Variants in FHIT observed in about 807,000 individuals in gnomAD.
The protein encoded by FHIT is bis(5'-adenosyl)-triphosphatase.
FHIT carries 19 observed loss-of-function variants against 17.9 expected under a neutral mutation model. The ratio of observed to expected loss-of-function variants is 1.06; its 90% confidence interval spans 0.74 to 1.56. FHIT has a LOEUF of 1.56. Ranked by LOEUF, FHIT falls within the 40% of genes most tolerant of loss-of-function variation. FHIT has a pLI of 0.00. For synonymous variants in FHIT, 81 were observed against 69.7 expected, an observed-to-expected ratio of 1.16 and a Z score of -0.81; for missense variants, 248 against 189.2, an observed-to-expected ratio of 1.31 and a Z score of -1.82.
chr3:60,984,044 C>T (rs1710610032), intron 3 of FHIT, among the ~76,000 whole-genome samples: 2 of 152,230 alleles, frequency 1.3e-5, no homozygotes, highest in Non-Finnish European at 1.5e-5. Flanking sequence ...AGAGCATCTT[C>T]CATCTAACCC....
At chr3:60,113,500 A>C (rs988613609) in intron 5 of FHIT, among the ~76,000 whole-genome samples, 1 of 151,806 alleles carries the variant, frequency 6.6e-6, no homozygotes, top group African/African-American at 2.4e-5. Context: ...TACATCTACT[A>C]TGCGCCAGTC....
At chr3:59,965,111 T>C (rs896745217) in intron 7 of FHIT, among the ~76,000 whole-genome samples, 12 of 152,168 alleles carry the variant, frequency 7.9e-5, no homozygotes, top group Admixed American at 6.5e-5. Flanking sequence ...TTTTCAGTCA[T>C]GTAAATCAGA....
At chr3:60,554,363 T>G (rs947240836) in intron 4 of FHIT, among the ~76,000 whole-genome samples, 1 of 152,176 alleles carries the variant, frequency 6.6e-6, no homozygotes, top group African/African-American at 2.4e-5. Flanking sequence ...GAATCAGAAG[T>G]TGAAAATCAC....
intron 3 of FHIT, among the ~76,000 whole-genome samples, chr3:60,853,958 T>G (rs1356422756): frequency 2.0e-5 from 3 of 152,048 alleles, no homozygotes; most frequent in African/African-American, 7.2e-5. Context: ...AAAACTTAAT[T>G]TGAGTCCTGA....
intron 4 of FHIT, among the ~76,000 whole-genome samples, chr3:60,785,897 ACACACACACACACACACACAC>A (rs1700555860): frequency 3.0e-5 from 4 of 133,510 alleles, no homozygotes; most frequent in Non-Finnish European, 3.3e-5. Context: ...CAAACAGAAG[ACACACACACACACACACACAC>A]ACACACACAC....
intron 3 of FHIT, among the ~76,000 whole-genome samples, chr3:60,843,344 T>A (rs1702804450): frequency 6.6e-6 from 1 of 152,144 alleles, no homozygotes; most frequent in South Asian, 2.1e-4. Context: ...TCCAATAATA[T>A]CAAGATACAA....
At chr3:60,104,995 T>A in intron 5 of FHIT, among the ~76,000 whole-genome samples, 1 of 152,186 alleles carries the variant, frequency 6.6e-6, no homozygotes, top group East Asian at 1.9e-4. Flanking sequence ...AACTCAACAA[T>A]AATGGAGCTC....
At chr3:60,483,743 G>T (rs762396243) in intron 5 of FHIT, among the ~76,000 whole-genome samples, 6 of 152,076 alleles carry the variant, frequency 3.9e-5, no homozygotes, top group African/African-American at 9.7e-5. Context: ...GTAAAACCTG[G>T]AAGCATTCTC....
chr3:59,933,505 G>A (rs1390796837), intron 7 of FHIT, among the ~76,000 whole-genome samples: 1 of 152,092 alleles, frequency 6.6e-6, no homozygotes, highest in Non-Finnish European at 1.5e-5. Context: ...GATGCTTACT[G>A]GAATTAAATA....
intron 5 of FHIT, among the ~76,000 whole-genome samples, chr3:60,064,857 T>C (rs1702434698): frequency 2.0e-5 from 3 of 152,358 alleles, no homozygotes; most frequent in Non-Finnish European, 4.4e-5. Context: ...TTATCTCATT[T>C]ACTTCTCATT....
At chr3:60,545,751 C>T (rs1471429320) in intron 4 of FHIT, among the ~76,000 whole-genome samples, 1 of 152,152 alleles carries the variant, frequency 6.6e-6, no homozygotes, top group African/African-American at 2.4e-5. Context: ...GGCTTCCTGA[C>T]TCATTGAAAG....
chr3:60,225,850 T>A (rs1419682227), intron 5 of FHIT, among the ~76,000 whole-genome samples: 1 of 152,104 alleles, frequency 6.6e-6, no homozygotes, highest in African/African-American at 2.4e-5. Flanking sequence ...TCTCCACTTT[T>A]GCACTTCCCT....
intron 5 of FHIT, among the ~76,000 whole-genome samples, chr3:60,523,064 A>T (rs982183888): frequency 7.2e-5 from 11 of 152,124 alleles, no homozygotes; most frequent in African/African-American, 2.4e-4. Flanking sequence ...AAAAACAGCA[A>T]ATCTCGTGAG....
chr3:60,866,500 A>G (rs1424585762), intron 3 of FHIT, among the ~76,000 whole-genome samples: 1 of 152,174 alleles, frequency 6.6e-6, no homozygotes, highest in Non-Finnish European at 1.5e-5. Context: ...TCAAGCTGCC[A>G]GGCATGTGGT....
At chr3:60,684,465 C>T (rs1045329172) in intron 4 of FHIT, among the ~76,000 whole-genome samples, 3 of 152,130 alleles carry the variant, frequency 2.0e-5, no homozygotes, top group Non-Finnish European at 4.4e-5. Context: ...ATAGGAGTTC[C>T]AGACTCCAGA....
At chr3:60,614,967 C>G (rs2038909003) in intron 4 of FHIT, among the ~76,000 whole-genome samples, 1 of 151,574 alleles carries the variant, frequency 6.6e-6, no homozygotes, top group South Asian at 2.1e-4. Context: ...GTAGCTGGGA[C>G]TACAGGCGCC....
chr3:59,932,885 T>C (rs933890914), intron 7 of FHIT, among the ~76,000 whole-genome samples: 11 of 152,138 alleles, frequency 7.2e-5, no homozygotes, highest in African/African-American at 2.2e-4. Context: ...TTCCCTCCCA[T>C]TCTCCTATCT....
chr3:60,812,912 G>A (rs1701617984), intron 4 of FHIT, among the ~76,000 whole-genome samples: 1 of 151,996 alleles, frequency 6.6e-6, no homozygotes, highest in Admixed American at 6.6e-5. Context: ...TCTTCCACTG[G>A]CAAATGGAGG....
intron 2 of FHIT, among the ~76,000 whole-genome samples, chr3:61,185,169 G>T (rs754754993): frequency 2.6e-5 from 4 of 152,116 alleles, no homozygotes; most frequent in Non-Finnish European, 5.9e-5. Flanking sequence ...AGCATTTATG[G>T]ATTCATTCTG....
Sources: allele counts gnomAD v4.1 joint callset (sites outside exome capture counted in the v4.1 genomes callset), GRCh38; gene constraint gnomAD v4.1.1; transcripts MANE v1.5; gene names NCBI Gene and HGNC (gene_info 2026-07-23, HGNC 2026-07-21).